The following MYO18A variants were observed in gnomAD, a reference collection of about 807,000 sequenced individuals.
MYO18A encodes the protein unconventional myosin-XVIIIa.
A neutral mutation model predicts 235.8 loss-of-function variants in MYO18A; 78 were observed. The observed-to-expected ratio is 0.33, with a 90% CI of 0.28 to 0.40. The LOEUF is 0.40. Ranked by LOEUF, MYO18A falls within the 10% of genes least tolerant of loss-of-function variation. The probability of loss-of-function intolerance (pLI) is 1.00; values close to 1 mark genes in which losing one functional copy is unlikely to be tolerated. For synonymous variants in MYO18A, 977 were observed against 1,077.8 expected (o/e 0.91, Z 1.83); for missense variants, 2,215 against 2,699.3 (o/e 0.82, Z 3.98).
rs1252711670 is a variant in MYO18A at position 29,180,012 on chromosome 17, C to T, written c.-82+301G>A. Among the ~76,000 whole-genome samples, 1 of 151,992 alleles carries T rather than the reference C, an allele frequency of 6.6e-6. No individual in the cohort carries two copies. Among genetic ancestry groups the T allele is most frequent in the Non-Finnish European group, 1.5e-5 (1 of 67,950 alleles). On this transcript the variant is annotated intron_variant, in intron 1 of 41. Coordinates refer to ENST00000527372, the MANE Select transcript of MYO18A (RefSeq NM_078471.4). The surrounding 1 kb of genome is among the most constrained non-coding windows in gnomAD (Gnocchi z 6.1). Reference sequence around the variant, plus strand: ...CCTGGGCGCCTCCAAGCCCCAAATCCCCCCACACTGAAGGCCACCCTGTCC... The same window carrying T: ...CCTGGGCGCCTCCAAGCCCCAAATCTCCCCACACTGAAGGCCACCCTGTCC...
Position 29,107,153 on chromosome 17 carries a change from C to T in MYO18A, c.3368G>A (p.Arg1123His), listed in dbSNP as rs555318514. Reference protein sequence around the residue: ...PDHMVFSEFRRRFDVLAPHLT... With the variant: ...PDHMVFSEFRHRFDVLAPHLT... Reference sequence around the variant, plus strand: ...GTGCGGGGCCAGGACATCAAAGCGGCGGCGGAACTCGGAAAACACCATGTG... The same window carrying T: ...GTGCGGGGCCAGGACATCAAAGCGGTGGCGGAACTCGGAAAACACCATGTG... The change falls in exon 20 of 42, where the codon CGC becomes CAC. Residue 1123 changes from arginine to histidine, a missense_variant. Physicochemically the swap from Arg to His is conservative, Grantham distance 29 (BLOSUM62 0). Transcript: ENST00000527372. 1.8e-5 allele frequency: 29 copies of T among 1,613,936 alleles called. No homozygotes were observed. The Admixed American group carries it at 2.7e-4, about 15-fold the overall frequency.
At chr17:29,092,506 G>C (rs775511184) in intron 33 of MYO18A, 50 bp from the exon 34 acceptor site, 7 of 1,452,402 alleles carry the variant, frequency 4.8e-6, no homozygotes, top group South Asian at 3.5e-5. Flanking sequence ...CCATTCCTTG[G>C]GGGCAGGAGG....
chr17:29,105,552 T>TC (rs1005277937), intron 20 of MYO18A, among the ~76,000 whole-genome samples: 11 of 151,624 alleles, frequency 7.3e-5, no homozygotes, highest in African/African-American at 2.4e-4. Context: ...AGAGGGACCC[T>TC]CCCCACCAAG....
intron 29 of MYO18A, 42 bp downstream of exon 29, chr17:29,094,894 T>A: frequency 1.2e-6 from 2 of 1,613,690 alleles, no homozygotes; most frequent in Non-Finnish European, 1.7e-6. Flanking sequence ...GACCCCAGGT[T>A]GTGAGGGGGA....
At position 29,118,576 on chromosome 17, in the gene MYO18A, C is replaced by T. The variant is rs555521103; in HGVS notation, c.1830-136G>A. 13 of 759,442 alleles carry T rather than the reference C, an allele frequency of 1.7e-5. No homozygotes were observed. The highest frequency in any genetic ancestry group is 5.2e-5 in the African/African-American group (3 of 57,894). The allele number at this position is 759,442 out of a possible 1,614,324, so 47.0% of individuals were successfully genotyped here. A position where few individuals can be genotyped will look rare whatever the true frequency, so the allele number is the denominator to read the frequency against. ...CCATCATCCCATCATCCCCAACTGG[C>T]GGGCCAGCTGTCACTGCTTTCCTAA... On this transcript the variant is annotated intron_variant, in intron 8 of 41. Transcript: ENST00000527372. This position sits in a 1 kb window ranked among gnomAD's most constrained non-coding sequence, Gnocchi z 4.2.
chr17:29,103,867 G>T (rs1468707078), intron 20 of MYO18A, among the ~76,000 whole-genome samples: 1 of 152,246 alleles, frequency 6.6e-6, no homozygotes, highest in Non-Finnish European at 1.5e-5. Flanking sequence ...GTCTTGCTGG[G>T]GAGCAAGACA....
At chr17:29,114,398 C>T in intron 14 of MYO18A, 1 of 361,134 alleles carries the variant, frequency 2.8e-6, no homozygotes, top group Non-Finnish European at 5.0e-6. Flanking sequence ...ATCCTTGAAA[C>T]ACTTGAAGAC....
At chr17:29,090,264 C>T in intron 36 of MYO18A, 166 bp from the exon 37 acceptor site, 1 of 774,940 alleles carries the variant, frequency 1.3e-6, no homozygotes. Flanking sequence ...CCCCATCTGC[C>T]CCAGTGCTTG....
intron 10 of MYO18A, among the ~76,000 whole-genome samples, 155 bp from the exon 11 acceptor site, chr17:29,116,610 A>AACTCACACACACACACAC (rs1210552759): frequency 1.7e-5 from 1 of 58,094 alleles, no homozygotes; most frequent in Non-Finnish European, 3.1e-5. Flanking sequence ...ACTTGGGACA[A>AACTCACACACACACACAC]ACGCACACAC....
chr17:29,089,037 C>A (rs1859207680), intron 37 of MYO18A, among the ~76,000 whole-genome samples: 2 of 129,912 alleles, frequency 1.5e-5, no homozygotes, highest in African/African-American at 6.3e-5. Context: ...CAGAGCGAGA[C>A]CCTATCTCAA....
intron 40 of MYO18A, among the ~76,000 whole-genome samples, chr17:29,083,883 C>T (rs1344650875): frequency 6.6e-6 from 1 of 152,178 alleles, no homozygotes; most frequent in Non-Finnish European, 1.5e-5. Flanking sequence ...ATATTGATTG[C>T]CTTTAGAAAG....
chr17:29,073,084 T>TGCAA lies in MYO18A; in HGVS notation c.*1685_*1686insTTGC, dbSNP rs2065903557. 1 of 120,278 alleles carries TGCAA rather than the reference T, an allele frequency of 8.3e-6. No individual in the cohort carries two copies. The highest frequency in any genetic ancestry group is 3.7e-5 in the African/African-American group (1 of 27,186). 7.5% of individuals were successfully genotyped at this position (120,278 alleles called of 1,614,324 possible). A position where few individuals can be genotyped will look rare whatever the true frequency, so the allele number is the denominator to read the frequency against. On this transcript the variant is annotated 3_prime_UTR_variant, in exon 42 of 42. Coordinates refer to ENST00000527372, the MANE Select transcript of MYO18A (RefSeq NM_078471.4). ...GGCTTGAATCCAAAAAGAAAGAGAA[T>TGCAA]GAAAGAAAGAAAGAGAGAGAGAGAG...
intron 2 of MYO18A, chr17:29,128,511 A>G: frequency 7.8e-7 from 1 of 1,279,942 alleles, no homozygotes; most frequent in Non-Finnish European, 1.0e-6. Flanking sequence ...GGACTCCTAG[A>G]TGGGCCACTG....
rs1205367346 is a variant in MYO18A, at chr17:29,121,083, A to G, written c.1500T>C (p.Ser500=). Residue 500 remains serine (S), a synonymous_variant, in exon 6 of 42, where the codon AGT becomes AGC. Transcript: ENST00000527372. The surrounding 1 kb of genome is among the most constrained non-coding windows in gnomAD (Gnocchi z 4.2). ...GGCAGCTGGTGGTCTTGCCACTGCC[A>G]CTACTGCCCAGGAGGATGATTGACT... The part of the protein sequence containing the change: ...QDQSIILLGS[S]GSGKTTSCQH... 1.2e-6 allele frequency: 2 copies of G among 1,612,806 alleles called. No individual in the cohort carries two copies. The highest frequency in any genetic ancestry group is 1.7e-5 in the Admixed American group (1 of 59,874).
In MYO18A at chr17:29,111,261, C is replaced by T. The variant is rs2066921392; in HGVS notation, c.2900+163G>A. 6.6e-6 allele frequency among the ~76,000 whole-genome samples: 1 copy of T among 152,210 alleles called. No individual in the cohort carries two copies. The highest frequency in any genetic ancestry group is 2.4e-5 in the African/African-American group (1 of 41,450). ...CTCCCACCTCTACTTCAAGAGGCCCCTCAAGCTCCTCAAGGCCAAGTGCCC... is the reference window on the plus strand; with the variant it reads ...CTCCCACCTCTACTTCAAGAGGCCCTTCAAGCTCCTCAAGGCCAAGTGCCC... On this transcript the variant is annotated intron_variant, in intron 17 of 41. Coordinates refer to ENST00000527372, the MANE Select transcript of MYO18A (RefSeq NM_078471.4). This position sits in a 1 kb window ranked among gnomAD's most constrained non-coding sequence, Gnocchi z 5.1.
intron 28 of MYO18A, among the ~76,000 whole-genome samples, 154 bp downstream of exon 28, chr17:29,096,607 G>A (rs1377015800): frequency 6.6e-6 from 1 of 152,176 alleles, no homozygotes; most frequent in Non-Finnish European, 1.5e-5. Flanking sequence ...GGTCAGGAGG[G>A]GGCCCCTTCA....
chr17:29,078,101 G>A (rs1178332573), intron 41 of MYO18A: 1 of 152,040 alleles, frequency 6.6e-6, no homozygotes, highest in Non-Finnish European at 1.5e-5. Context: ...TGCAACCTCC[G>A]AGCCTCCCGG....
intron 41 of MYO18A, chr17:29,080,284 T>C: frequency 1.0e-6 from 1 of 985,978 alleles, no homozygotes; most frequent in Non-Finnish European, 1.2e-6. Flanking sequence ...CAGGTCTGGG[T>C]CCAGGTAGGA....
intron 41 of MYO18A, chr17:29,080,871 G>A: frequency 4.1e-6 from 4 of 985,404 alleles, no homozygotes; most frequent in Admixed American, 6.1e-5. Flanking sequence ...GCTCGCTCAG[G>A]GAGGTGAAGA....
Sources: gnomAD v4.1 joint callset for allele counts (sites outside exome capture counted in the v4.1 genomes callset) on GRCh38, gnomAD v4.1.1 for gene constraint, Gnocchi (gnomAD v3.1) non-coding constraint, MANE v1.5 for transcripts, NCBI Gene and HGNC (gene_info 2026-07-23, HGNC 2026-07-21) for gene names.